The following GALNT10 variants were observed in gnomAD, a reference collection of about 807,000 sequenced individuals.
GALNT10 encodes polypeptide N-acetylgalactosaminyltransferase 10.
Under a neutral mutation model 75.0 loss-of-function variants are expected in GALNT10, and 41 were observed. The ratio of observed to expected loss-of-function variants is 0.55; its 90% CI spans 0.43 to 0.71. The LOEUF is 0.71. Ranked by LOEUF, GALNT10 falls within the 30% of genes least tolerant of loss-of-function variation. The probability of loss-of-function intolerance (pLI) is 0.00; values close to 1 mark genes in which losing one functional copy is unlikely to be tolerated. For missense variants in GALNT10, 727 were observed against 818.5 expected (o/e 0.89, Z 1.36); for synonymous variants, 302 against 313.0 (o/e 0.96, Z 0.37).
chr5:154,289,449 G>A (rs1222537611), intron 1 of GALNT10, among the ~76,000 whole-genome samples: 1 of 152,156 alleles, frequency 6.6e-6, no homozygotes, highest in East Asian at 1.9e-4. Context: ...CCTAAGATTA[G>A]TCAGGTATTG....
intron 1 of GALNT10, among the ~76,000 whole-genome samples, chr5:154,292,238 C>T (rs1001575847): frequency 2.0e-5 from 3 of 152,182 alleles, no homozygotes; most frequent in Non-Finnish European, 4.4e-5. Flanking sequence ...GTATCAGAAT[C>T]TCTTCGAGAG....
rs187280429 is a variant in GALNT10 at position 154,234,429 on chromosome 5, A to T, written c.159+43404A>T. On this transcript the variant is annotated intron_variant, in intron 1 of 11. Transcript: ENST00000297107. ...AGACACCAAAAGGGCTGGCATGGAG[A>T]CTACTAAGCATATTTATCTATTCCT... 2.6e-5 allele frequency among the ~76,000 whole-genome samples: 4 copies of T among 152,346 alleles called. No individual in the cohort carries two copies. In the East Asian group the frequency reaches 7.7e-4, roughly 29 times the overall value.
At chr5:154,398,566 G>A (rs1228708521) in intron 7 of GALNT10, among the ~76,000 whole-genome samples, 1 of 152,198 alleles carries the variant, frequency 6.6e-6, no homozygotes, top group Non-Finnish European at 1.5e-5. Context: ...ATAGCAGGAA[G>A]TAGTGGGGGA....
chr5:154,309,234 A>G (rs982499538), intron 3 of GALNT10, among the ~76,000 whole-genome samples: 1 of 152,170 alleles, frequency 6.6e-6, no homozygotes, highest in African/African-American at 2.4e-5. Flanking sequence ...AAAGGCCCTG[A>G]GACCACTGTG....
At chr5:154,346,130 T>G (rs1366202093) in intron 4 of GALNT10, among the ~76,000 whole-genome samples, 2 of 105,106 alleles carry the variant, frequency 1.9e-5, no homozygotes, top group Non-Finnish European at 4.2e-5. Context: ...TGAATAATAT[T>G]CGTGTGTGCG....
intron 3 of GALNT10, among the ~76,000 whole-genome samples, chr5:154,306,199 C>G (rs747164073): frequency 1.4e-4 from 21 of 152,098 alleles, no homozygotes; most frequent in Non-Finnish European, 2.9e-4. Context: ...TTATAGAACA[C>G]TCCAACCAAT....
chr5:154,193,518 A>T (rs1774893229), intron 1 of GALNT10, among the ~76,000 whole-genome samples: 1 of 152,246 alleles, frequency 6.6e-6, no homozygotes, highest in South Asian at 2.1e-4. Flanking sequence ...TCTTGAGCAT[A>T]CAGAGCTTTT....
chr5:154,300,520 G>A lies in GALNT10; in HGVS notation c.401+2441G>A, dbSNP rs57894929. ...AAAAGCAATTCTCACGTATAATGAG[G>A]GTTGAGAATCACTGGTGTGCAATGA... On this transcript the variant is annotated intron_variant, in intron 3 of 11. Transcript: ENST00000297107. 6.3e-3 allele frequency among the ~76,000 whole-genome samples: 959 copies of A among 152,276 alleles called. 10 individuals carry two copies. The highest frequency in any genetic ancestry group is 0.022 in the African/African-American group (912 of 41,552).
intron 4 of GALNT10, among the ~76,000 whole-genome samples, chr5:154,358,492 T>C (rs1755332193): frequency 1.3e-5 from 2 of 152,112 alleles, no homozygotes; most frequent in African/African-American, 2.4e-5. Flanking sequence ...AACTGAAGCT[T>C]AGAGAAATTT....
At chr5:154,269,623 G>A (rs776507512) in intron 1 of GALNT10, among the ~76,000 whole-genome samples, 39 of 152,250 alleles carry the variant, frequency 2.6e-4, no homozygotes, top group Non-Finnish European at 4.3e-4. Flanking sequence ...CAGTGGACTT[G>A]GCAGGCCTAC....
intron 5 of GALNT10, among the ~76,000 whole-genome samples, chr5:154,378,295 TG>T (rs1211190236): frequency 6.8e-6 from 1 of 147,832 alleles, no homozygotes; most frequent in Non-Finnish European, 1.5e-5. Context: ...GGGAAGCCAC[TG>T]TTGATCATCA....
In GALNT10 at chr5:154,416,877, A is replaced by G. The variant is rs1316923780; in HGVS notation, c.1717A>G (p.Ile573Val). 5 of 1,613,044 alleles carry G rather than the reference A, an allele frequency of 3.1e-6. No homozygotes were observed. In the South Asian group the frequency reaches 5.5e-5, roughly 18 times the overall value. Residue 573 changes from isoleucine (I) to valine (V), a missense_variant, in exon 12 of 12, where the codon ATC becomes GTC. By Grantham distance (29) the Ile-to-Val change is conservative. Coordinates refer to ENST00000297107, the MANE Select transcript of GALNT10 (RefSeq NM_198321.4). The surrounding 1 kb of genome is among the most constrained non-coding windows in gnomAD (Gnocchi z 4.5). ...GGACTGCAGTGAAAGTGACCATAGG[A>G]TCTTCATGAACACCTGCAACCCATC... ...CMDCSESDHR[I>V]FMNTCNPSSL...
intron 1 of GALNT10, among the ~76,000 whole-genome samples, chr5:154,210,422 T>A (rs1775179066): frequency 6.6e-6 from 1 of 151,838 alleles, no homozygotes; most frequent in Admixed American, 6.6e-5. Flanking sequence ...ACAGTTTTGC[T>A]TGGCTAATTC....
At chr5:154,353,519 T>C (rs1195415008) in intron 4 of GALNT10, among the ~76,000 whole-genome samples, 2 of 152,112 alleles carry the variant, frequency 1.3e-5, no homozygotes, top group East Asian at 3.9e-4. Context: ...CTCAGGCGCA[T>C]TGGGTGGAAG....
intron 4 of GALNT10, among the ~76,000 whole-genome samples, chr5:154,359,642 G>C (rs987983291): frequency 2.6e-5 from 4 of 151,726 alleles, no homozygotes; most frequent in Non-Finnish European, 4.4e-5. Flanking sequence ...ATTCTTGGGG[G>C]GCCAGGGTAT....
At chr5:154,333,689 C>G (rs1239928815) in intron 4 of GALNT10, among the ~76,000 whole-genome samples, 2 of 152,092 alleles carry the variant, frequency 1.3e-5, no homozygotes. Context: ...ATACCCAATC[C>G]TAAAAAGATA....
At chr5:154,261,833 AG>A (rs1753702898) in intron 1 of GALNT10, among the ~76,000 whole-genome samples, 1 of 152,238 alleles carries the variant, frequency 6.6e-6, no homozygotes, top group Non-Finnish European at 1.5e-5. Flanking sequence ...TTGTGCCATC[AG>A]GGTCTAGCAT....
At chr5:154,336,245 T>A (rs1383871936) in intron 4 of GALNT10, among the ~76,000 whole-genome samples, 1 of 152,208 alleles carries the variant, frequency 6.6e-6, no homozygotes, top group East Asian at 1.9e-4. Context: ...CTGAAGGACA[T>A]CTTGGCTGCT....
chr5:154,200,167 G>A (rs1334965088), intron 1 of GALNT10, among the ~76,000 whole-genome samples: 3 of 152,160 alleles, frequency 2.0e-5, no homozygotes, highest in Non-Finnish European at 4.4e-5. Flanking sequence ...CCTGGTTCTT[G>A]TTGTTGGCTC....
Sources: allele counts gnomAD v4.1 joint callset (sites outside exome capture counted in the v4.1 genomes callset), GRCh38; gene constraint gnomAD v4.1.1; non-coding constraint Gnocchi (gnomAD v3.1); transcripts MANE v1.5; gene names NCBI Gene and HGNC (gene_info 2026-07-23, HGNC 2026-07-21).